Variants in COL4A3 observed in about 807,000 individuals in gnomAD.
COL4A3 encodes the protein collagen alpha-3(IV) chain.
Under a neutral mutation model 217.4 loss-of-function variants are expected in COL4A3, and 135 were observed. That is an observed-to-expected ratio of 0.62 (90% CI 0.54 to 0.72). The LOEUF (loss-of-function observed/expected upper bound fraction) is 0.72. COL4A3 is among the 30% of genes least tolerant of loss of function. The pLI is 0.00. For synonymous variants in COL4A3, 690 were observed against 736.3 expected (o/e 0.94, Z 1.02); for missense variants, 1,868 against 2,119.9 (o/e 0.88, Z 2.33).
chr2:227,196,738 A>C (rs1327010424), intron 1 of COL4A3, among the ~76,000 whole-genome samples: 1 of 152,220 alleles, frequency 6.6e-6, no homozygotes, highest in Non-Finnish European at 1.5e-5. Flanking sequence ...TCTGTTATGT[A>C]CTTTTGATCT....
chr2:227,304,145 G>T lies in COL4A3; in HGVS notation c.4153+1G>T. 1 of 1,613,912 alleles carries T rather than the reference G, an allele frequency of 6.2e-7. No individual in the cohort carries two copies. The highest frequency in any genetic ancestry group is 8.5e-7 in the Non-Finnish European group (1 of 1,179,940). On this transcript the variant is annotated splice_donor_variant, in intron 46 of 51. Coordinates refer to ENST00000396578, the MANE Select transcript of COL4A3 (RefSeq NM_000091.5). LOFTEE classifies it high-confidence loss of function. ...CCACCAGGGCCACCTGGAAACCTAG[G>T]TGTGGGACTGGCAGCATTGACTTGG...
chr2:227,208,785 C>T (rs943983564), intron 1 of COL4A3, among the ~76,000 whole-genome samples: 1 of 146,558 alleles, frequency 6.8e-6, no homozygotes, highest in Non-Finnish European at 1.5e-5. Flanking sequence ...CACACACACA[C>T]ACACACACAC....
At chr2:227,243,531 T>C (rs1054775974) in intron 3 of COL4A3, among the ~76,000 whole-genome samples, 1 of 152,196 alleles carries the variant, frequency 6.6e-6, no homozygotes, top group African/African-American at 2.4e-5. Flanking sequence ...AATTCCGCCA[T>C]AGATGGGAGA....
intron 1 of COL4A3, 98 bp from the exon 2 acceptor site, chr2:227,237,870 A>G (rs2068785551): frequency 1.2e-6 from 1 of 852,338 alleles, no homozygotes; most frequent in Non-Finnish European, 2.0e-6. Flanking sequence ...ATAGTGTCCA[A>G]TACTCGAAGA....
At chr2:227,190,036 T>G (rs2066172485) in intron 1 of COL4A3, among the ~76,000 whole-genome samples, 1 of 151,982 alleles carries the variant, frequency 6.6e-6, no homozygotes, top group Admixed American at 6.6e-5. Context: ...TAGATGGATG[T>G]GCTTCTACCA....
At chr2:227,177,704 G>A (rs115176651) in intron 1 of COL4A3, among the ~76,000 whole-genome samples, 4,897 of 152,200 alleles carry the variant, frequency 0.032, 248 homozygotes, top group African/African-American at 0.11. Context: ...ATTGTGCACC[G>A]TTCTGAGTAG....
In COL4A3 at chr2:227,225,959, G is replaced by A. The variant is rs1415787842; in HGVS notation, c.88-12009G>A. ...ACTCCTGACTTCAAGTAATCCACCC[G>A]CCTCGGCTTCCCAAAGTGCTGGGAT... is the stretch of plus-strand genomic sequence containing the variant. On this transcript the variant is annotated intron_variant, in intron 1 of 51. Coordinates refer to ENST00000396578, the MANE Select transcript of COL4A3 (RefSeq NM_000091.5). 5.3e-5 allele frequency among the ~76,000 whole-genome samples: 8 copies of A among 152,142 alleles called. No homozygotes were observed. The East Asian group carries it at 1.5e-3, about 29-fold the overall frequency.
At chr2:227,256,418 T>C (rs748497271) in intron 17 of COL4A3, 22 bp downstream of exon 17, 2 of 1,603,650 alleles carry the variant, frequency 1.2e-6, no homozygotes, top group Non-Finnish European at 1.7e-6. Flanking sequence ...CCTAATAGCC[T>C]ATTTTAATAG....
rs2070138688 is a variant in COL4A3, at chr2:227,255,949, T to C, written c.889-77T>C. On this transcript the variant is annotated intron_variant, in intron 15 of 51. Transcript: ENST00000396578. ...GCCTGAGGTCAAGAGGAGATGATCA[T>C]ATCACTTAAGATTTCCGTATTTGTA... 1.4e-5 allele frequency: 20 copies of C among 1,431,994 alleles called. No individual in the cohort carries two copies. The Middle Eastern group carries it at 8.8e-4, about 63-fold the overall frequency. 88.7% of individuals were successfully genotyped at this position (1,431,994 alleles called of 1,614,324 possible). A position where few individuals can be genotyped will look rare whatever the true frequency, so the allele number is the denominator to read the frequency against.
At chr2:227,266,941 T>C in intron 22 of COL4A3, 52 bp from the exon 23 acceptor site, 2 of 1,235,624 alleles carry the variant, frequency 1.6e-6, no homozygotes, top group East Asian at 2.3e-5. Flanking sequence ...ATTTGTTCTT[T>C]CTGAGGACTC....
At chr2:227,268,608 T>A (rs1453936111) in intron 23 of COL4A3, 1 of 152,156 alleles carries the variant, frequency 6.6e-6, no homozygotes, top group Non-Finnish European at 1.5e-5. Context: ...GGATCCTTTG[T>A]CCCCTCAGAT....
chr2:227,241,775 T>C (rs1177931502), intron 3 of COL4A3, among the ~76,000 whole-genome samples: 1 of 152,236 alleles, frequency 6.6e-6, no homozygotes, highest in Admixed American at 6.5e-5. Flanking sequence ...ATATGTACTC[T>C]GTGCCAGGCA....
intron 1 of COL4A3, among the ~76,000 whole-genome samples, chr2:227,171,516 G>A (rs569147683): frequency 2.9e-5 from 4 of 137,574 alleles, no homozygotes; most frequent in African/African-American, 7.9e-5. Context: ...CCACATGTGC[G>A]TTGTTTTCTG....
intron 36 of COL4A3, among the ~76,000 whole-genome samples, 194 bp from the exon 37 acceptor site, chr2:227,290,553 G>T (rs1356463947): frequency 6.6e-6 from 1 of 152,022 alleles, no homozygotes; most frequent in Non-Finnish European, 1.5e-5. Context: ...CAAATACACA[G>T]TGTGCAACCA....
chr2:227,300,637 G>A (rs956868064), intron 43 of COL4A3, among the ~76,000 whole-genome samples: 2 of 152,130 alleles, frequency 1.3e-5, no homozygotes, highest in African/African-American at 4.8e-5. Flanking sequence ...TGTACCAATG[G>A]ATAGAAAAAC....
At chr2:227,247,630 A>G (rs2069430689) in intron 8 of COL4A3, 46 bp downstream of exon 8, 3 of 1,583,574 alleles carry the variant, frequency 1.9e-6, no homozygotes, top group East Asian at 2.2e-5. Context: ...CTAACTGTAC[A>G]TATGAAAAGG....
intron 26 of COL4A3, among the ~76,000 whole-genome samples, chr2:227,276,022 G>T (rs1365668650): frequency 6.6e-6 from 1 of 152,024 alleles, no homozygotes; most frequent in Non-Finnish European, 1.5e-5. Context: ...AAGCAAATCT[G>T]ATTTTCAATG....
At chr2:227,175,273 A>C (rs1454281912) in intron 1 of COL4A3, among the ~76,000 whole-genome samples, 1 of 152,204 alleles carries the variant, frequency 6.6e-6, no homozygotes, top group East Asian at 1.9e-4. Context: ...GGAGTTCGAA[A>C]CTAGCCTGGC....
chr2:227,234,536 C>A (rs10208195), intron 1 of COL4A3, among the ~76,000 whole-genome samples: 49,169 of 152,092 alleles, frequency 0.32, 8,378 homozygotes, highest in Non-Finnish European at 0.36. Context: ...AATAAACCAG[C>A]TGTCCATCCA....
Sources: gnomAD v4.1 joint callset for allele counts (sites outside exome capture counted in the v4.1 genomes callset) on GRCh38, gnomAD v4.1.1 for gene constraint, MANE v1.5 for transcripts, NCBI Gene and HGNC (gene_info 2026-07-23, HGNC 2026-07-21) for gene names.